ITPR1: variants seen among roughly 807,000 people sequenced by gnomAD.
ITPR1 encodes the protein inositol 1,4,5-trisphosphate-gated calcium channel ITPR1.
A neutral mutation model predicts 318.4 loss-of-function variants in ITPR1; 96 were observed. The ratio of observed to expected loss-of-function variants is 0.30; its 90% confidence interval spans 0.26 to 0.36. ITPR1 has a LOEUF of 0.36. Ranked by LOEUF, ITPR1 falls within the 10% of genes least tolerant of loss-of-function variation. The pLI, the probability that ITPR1 is intolerant of heterozygous loss-of-function variation, is 1.00. For missense variants in ITPR1, 2,440 were observed against 3,460.2 expected (o/e 0.71, Z 7.40); for synonymous variants, 1,312 against 1,289.9 (o/e 1.02, Z -0.37).
chr3:4,732,247 T>C (rs779891886), intron 42 of ITPR1, among the ~76,000 whole-genome samples: 1 of 152,178 alleles, frequency 6.6e-6, no homozygotes, highest in African/African-American at 2.4e-5. Context: ...AAAGAGTTAC[T>C]ATATCCCTGT....
chr3:4,566,478 A>G (rs560597484), intron 4 of ITPR1, among the ~76,000 whole-genome samples: 29 of 152,260 alleles, frequency 1.9e-4, no homozygotes, highest in African/African-American at 6.3e-4. Context: ...CTTAAAGGTA[A>G]GGAATAGGTG....
chr3:4,496,573 G>T (rs2080588950), intron 2 of ITPR1, among the ~76,000 whole-genome samples: 1 of 152,166 alleles, frequency 6.6e-6, no homozygotes, highest in Admixed American at 6.5e-5. Context: ...ATGAGAAGTG[G>T]AATGGTTGCT....
intron 5 of ITPR1, among the ~76,000 whole-genome samples, chr3:4,630,236 C>G (rs1343826047): frequency 1.3e-5 from 2 of 152,174 alleles, no homozygotes; most frequent in Non-Finnish European, 2.9e-5. Context: ...CAGCTGTAGA[C>G]TGTGACTGGT....
chr3:4,774,287 A>G (rs771976291), intron 46 of ITPR1, among the ~76,000 whole-genome samples: 1 of 152,204 alleles, frequency 6.6e-6, no homozygotes, highest in African/African-American at 2.4e-5. Context: ...TTGGTGCGCA[A>G]TTAGGTTGTT....
intron 24 of ITPR1, 46 bp from the exon 25 acceptor site, chr3:4,680,507 T>A: frequency 6.3e-7 from 1 of 1,580,622 alleles, no homozygotes; most frequent in Non-Finnish European, 8.7e-7. Context: ...GTCAAGATGG[T>A]ATGTTAATGT....
rs185314417 is a variant in ITPR1, at chr3:4,846,304, C to A, written c.*79C>A. 2.2e-6 allele frequency: 2 copies of A among 920,370 alleles called. No homozygotes were observed. Among genetic ancestry groups the A allele is most frequent in the Non-Finnish European group, 3.4e-6 (2 of 586,696 alleles). 57.0% of individuals were successfully genotyped at this position (920,370 alleles called of 1,614,324 possible). On this transcript the variant is annotated 3_prime_UTR_variant, in exon 62 of 62. Transcript: ENST00000649015. ...TATGGCTAATGAGTTCTGATTCACC[C>A]ACGAAGGTTACATTTATGCTGAATA...
At chr3:4,601,373 G>A (rs945228299) in intron 4 of ITPR1, among the ~76,000 whole-genome samples, 1 of 151,764 alleles carries the variant, frequency 6.6e-6, no homozygotes. Context: ...ACAAAAATTA[G>A]CCAGGCATGG....
At chr3:4,612,207 G>A (rs373558409) in intron 4 of ITPR1, among the ~76,000 whole-genome samples, 20 of 151,622 alleles carry the variant, frequency 1.3e-4, no homozygotes, top group East Asian at 3.9e-4. Flanking sequence ...GATTACAGGC[G>A]CCCACCACCA....
intron 24 of ITPR1, among the ~76,000 whole-genome samples, chr3:4,677,383 A>G (rs1340583640): frequency 6.6e-6 from 1 of 152,210 alleles, no homozygotes; most frequent in Non-Finnish European, 1.5e-5. Flanking sequence ...GATTGTTTGG[A>G]GACACTGAGG....
At chr3:4,778,314 G>A (rs1436407777) in intron 48 of ITPR1, among the ~76,000 whole-genome samples, 10 of 152,174 alleles carry the variant, frequency 6.6e-5, no homozygotes, top group Non-Finnish European at 1.5e-4. Flanking sequence ...CCATGTCAGG[G>A]CATGTTGAGA....
chr3:4,789,115 T>G (rs1030879591), intron 52 of ITPR1, among the ~76,000 whole-genome samples: 5 of 152,154 alleles, frequency 3.3e-5, no homozygotes, highest in Non-Finnish European at 7.4e-5. Flanking sequence ...CATTCCCACC[T>G]CACTTCCAGC....
intron 47 of ITPR1, 28 bp downstream of exon 47, chr3:4,775,470 GA>G (rs771750278): frequency 1.1e-5 from 17 of 1,531,092 alleles, no homozygotes; most frequent in African/African-American, 1.1e-4. Flanking sequence ...TTGGGATGGG[GA>G]AAAAAAGTGT....
chr3:4,777,921 A>G (rs2046581674), intron 48 of ITPR1, among the ~76,000 whole-genome samples: 3 of 152,246 alleles, frequency 2.0e-5, no homozygotes, highest in Non-Finnish European at 4.4e-5. Context: ...TACACAAACC[A>G]AAAATGTGCC....
intron 44 of ITPR1, among the ~76,000 whole-genome samples, chr3:4,739,801 CA>C (rs1248268052): frequency 2.0e-5 from 3 of 152,132 alleles, no homozygotes; most frequent in East Asian, 1.9e-4. Flanking sequence ...CTGCAACCAT[CA>C]GGGGGTTGAC....
intron 44 of ITPR1, among the ~76,000 whole-genome samples, chr3:4,742,097 G>A (rs144206273): frequency 1.7e-4 from 26 of 152,258 alleles, no homozygotes; most frequent in African/African-American, 6.0e-4. Flanking sequence ...GACCAGCTTG[G>A]CTCCTTTGAG....
At chr3:4,824,223 C>A (rs1162632033) in intron 60 of ITPR1, among the ~76,000 whole-genome samples, 1 of 152,160 alleles carries the variant, frequency 6.6e-6, no homozygotes, top group Non-Finnish European at 1.5e-5. Context: ...TGCTTTACCT[C>A]GGGAAGGGCA....
intron 39 of ITPR1, among the ~76,000 whole-genome samples, chr3:4,716,787 T>G (rs965486399): frequency 6.6e-6 from 1 of 152,220 alleles, no homozygotes; most frequent in Non-Finnish European, 1.5e-5. Context: ...ATAAATCCCA[T>G]GTCACTAATA....
chr3:4,799,070 C>T (rs2048062900), intron 53 of ITPR1, among the ~76,000 whole-genome samples: 1 of 152,226 alleles, frequency 6.6e-6, no homozygotes. Flanking sequence ...AAATTTTACA[C>T]TTAAAATGCA....
chr3:4,548,667 G>T (rs1559426780), intron 4 of ITPR1, among the ~76,000 whole-genome samples: 1 of 152,126 alleles, frequency 6.6e-6, no homozygotes, highest in African/African-American at 2.4e-5. Context: ...TATTTGGGGG[G>T]ATGTCTCAGT....
Sources: allele counts gnomAD v4.1 joint callset (sites outside exome capture counted in the v4.1 genomes callset), GRCh38; gene constraint gnomAD v4.1.1; transcripts MANE v1.5; gene names NCBI Gene and HGNC (gene_info 2026-07-23, HGNC 2026-07-21).